TSPEAR: variants seen among roughly 807,000 people sequenced by gnomAD.
TSPEAR encodes thrombospondin-type laminin G domain and EAR repeat-containing protein.
In TSPEAR, 69 loss-of-function variants were observed where a neutral mutation model predicts 71.6. That is an observed-to-expected ratio of 0.96 (90% confidence interval 0.79 to 1.18). The LOEUF (loss-of-function observed/expected upper bound fraction) is 1.18, where lower values mean the gene tolerates loss of function less well. Among genes scored for constraint, TSPEAR ranks in the 50% most tolerant of loss-of-function variants. The pLI, the probability that TSPEAR is intolerant of heterozygous loss-of-function variation, is 0.00. For missense variants in TSPEAR, 971 were observed against 894.9 expected, an observed-to-expected ratio of 1.09 and a Z score of -1.09; for synonymous variants, 402 against 387.2, an observed-to-expected ratio of 1.04 and a Z score of -0.45.
At chr21:44,499,958 C>T in intron 11 of TSPEAR, 22 bp from the exon 12 acceptor site, 1 of 1,589,350 alleles carries the variant, frequency 6.3e-7, no homozygotes, top group Admixed American at 1.7e-5. Context: ...ACAGCGGCAG[C>T]CGGGTCAGCC....
intron 1 of TSPEAR, chr21:44,697,026 G>T (rs4818967): frequency 9.5e-6 from 7 of 735,094 alleles, no homozygotes; most frequent in Middle Eastern, 4.2e-4. Context: ...GCACCCAGAC[G>T]CTCACTCACT....
Position 44,681,994 on chromosome 21 carries a change from C to T in TSPEAR, c.82+29439G>A, listed in dbSNP as rs367991853. 1.7e-5 allele frequency: 27 copies of T among 1,609,952 alleles called. No individual in the cohort carries two copies. The highest frequency in any genetic ancestry group is 4.0e-5 in the African/African-American group (3 of 74,814). ...GACTGGCATCTCACGGGCACACACA[C>T]GGCTGGCTTGAAGCTCACGGGCACG... On this transcript the variant is annotated intron_variant, in intron 1 of 11. Coordinates refer to ENST00000323084, the MANE Select transcript of TSPEAR (RefSeq NM_144991.3).
In TSPEAR at chr21:44,637,937, T is replaced by C. The variant is rs200557057; in HGVS notation, c.83-69932A>G. ...CACTTCATGCTGCCAGCAGTCTAGC[T>C]GCCAGCCTGCTTGCTGCACCGCCTC... On this transcript the variant is annotated intron_variant, in intron 1 of 11. Transcript: ENST00000323084. The C allele has an allele frequency of 1.3e-4, 213 of 1,612,954 alleles. No homozygotes were observed. The highest frequency in any genetic ancestry group is 3.3e-5 in the Non-Finnish European group (39 of 1,179,210).
chr21:44,639,757 C>A (rs1983916853), intron 1 of TSPEAR, among the ~76,000 whole-genome samples: 1 of 152,164 alleles, frequency 6.6e-6, no homozygotes, highest in Non-Finnish European at 1.5e-5. Context: ...GAACAGAGAG[C>A]CAGGAGGAGG....
chr21:44,671,021 T>A (rs1986030542), intron 1 of TSPEAR, among the ~76,000 whole-genome samples: 1 of 152,248 alleles, frequency 6.6e-6, no homozygotes, highest in South Asian at 2.1e-4. Context: ...GCACACTGTG[T>A]GGCCTGGCAC....
chr21:44,648,220 C>T (rs587719802), intron 1 of TSPEAR, among the ~76,000 whole-genome samples: 10 of 152,262 alleles, frequency 6.6e-5, no homozygotes, highest in Admixed American at 2.6e-4. Context: ...GACACCTTAT[C>T]GATGAACCCT....
intron 2 of TSPEAR, among the ~76,000 whole-genome samples, chr21:44,564,488 T>C (rs1169724813): frequency 1.3e-5 from 2 of 152,130 alleles, no homozygotes; most frequent in Non-Finnish European, 2.9e-5. Context: ...GTAGCCCAAC[T>C]GCTGTCCGAT....
rs1225809881 is a variant in TSPEAR at position 44,596,283 on chromosome 21, C to T, written c.83-28278G>A. 7.2e-5 allele frequency among the ~76,000 whole-genome samples: 11 copies of T among 152,210 alleles called. No individual in the cohort carries two copies. In the East Asian group the frequency reaches 1.2e-3, roughly 16 times the overall value. ...CCAGGGAGACAGAGTCCTCCCGAGA[C>T]GAGCATTATGACCTTATGTAATGGG... On this transcript the variant is annotated intron_variant, in intron 1 of 11. Coordinates refer to ENST00000323084, the MANE Select transcript of TSPEAR (RefSeq NM_144991.3).
intron 11 of TSPEAR, among the ~76,000 whole-genome samples, chr21:44,501,893 C>T (rs1228648593): frequency 6.6e-6 from 1 of 152,218 alleles, no homozygotes; most frequent in Non-Finnish European, 1.5e-5. Flanking sequence ...TCCCAGTCCA[C>T]AGGTGCAGTT....
At chr21:44,608,833 T>C (rs991863464) in intron 1 of TSPEAR, among the ~76,000 whole-genome samples, 3 of 152,258 alleles carry the variant, frequency 2.0e-5, no homozygotes, top group Admixed American at 2.0e-4. Flanking sequence ...AGCCAACATA[T>C]GCCTATCTAT....
chr21:44,697,388 T>C (rs781986596), intron 1 of TSPEAR: 1 of 1,613,424 alleles, frequency 6.2e-7, no homozygotes, highest in Non-Finnish European at 8.5e-7. Flanking sequence ...CAGCCCCTGC[T>C]GCCGAGTGAC....
intron 1 of TSPEAR, chr21:44,638,060 T>A (rs782276509): frequency 1.2e-6 from 2 of 1,613,264 alleles, no homozygotes; most frequent in South Asian, 2.2e-5. Context: ...CTCTGCCTCC[T>A]CCTGCCAGCC....
intron 1 of TSPEAR, among the ~76,000 whole-genome samples, chr21:44,611,681 C>T (rs1265820501): frequency 6.6e-6 from 1 of 152,108 alleles, no homozygotes. Flanking sequence ...TGGAGAACAT[C>T]TGCTGGTAAA....
chr21:44,659,882 T>C (rs897892183), intron 1 of TSPEAR, among the ~76,000 whole-genome samples: 3 of 151,946 alleles, frequency 2.0e-5, no homozygotes, highest in Admixed American at 2.0e-4. Flanking sequence ...AGATCAAGAG[T>C]AAAGCATTAA....
At position 44,647,030 on chromosome 21, in the gene TSPEAR, C is replaced by G. The variant is rs782193170; in HGVS notation, c.82+64403G>C. On this transcript the variant is annotated intron_variant, in intron 1 of 11. Transcript: ENST00000323084. ...TCCTACCAGCAGGCCTGCTGCGTGC[C>G]TGTCTGCTGCAAGACTGTCTACTGC... The G allele has an allele frequency of 6.8e-6, 11 of 1,613,878 alleles. No individual in the cohort carries two copies. In the South Asian group the frequency reaches 1.2e-4, roughly 18 times the overall value.
chr21:44,550,149 G>A (rs1425721150), intron 2 of TSPEAR, among the ~76,000 whole-genome samples: 2 of 152,276 alleles, frequency 1.3e-5, no homozygotes, highest in African/African-American at 4.8e-5. Flanking sequence ...AATGAACAAG[G>A]CTTTTGGGCC....
intron 9 of TSPEAR, among the ~76,000 whole-genome samples, chr21:44,513,233 G>A (rs1486340294): frequency 6.6e-6 from 1 of 152,210 alleles, no homozygotes; most frequent in African/African-American, 2.4e-5. Flanking sequence ...CCCTATGCCA[G>A]GCTGTCAGAA....
intron 9 of TSPEAR, chr21:44,517,758 CTG>C: frequency 2.1e-6 from 1 of 471,202 alleles, no homozygotes; most frequent in Non-Finnish European, 4.4e-6. Context: ...CTTCAGAACA[CTG>C]AGCCCTCCTA....
intron 9 of TSPEAR, among the ~76,000 whole-genome samples, chr21:44,511,974 G>T (rs1326803982): frequency 6.6e-6 from 1 of 151,564 alleles, no homozygotes; most frequent in African/African-American, 2.5e-5. Context: ...GCTGCAGATG[G>T]GGGACCATGG....
Sources: allele counts gnomAD v4.1 joint callset (sites outside exome capture counted in the v4.1 genomes callset), GRCh38; gene constraint gnomAD v4.1.1; transcripts MANE v1.5; gene names NCBI Gene and HGNC (gene_info 2026-07-23, HGNC 2026-07-21).